GCA: variants seen among roughly 807,000 people sequenced by gnomAD.
GCA encodes the protein grancalcin.
In GCA, 30 loss-of-function variants were observed where a neutral mutation model predicts 32.6. The observed-to-expected ratio is 0.92, with a 90% CI of 0.69 to 1.25. The LOEUF (loss-of-function observed/expected upper bound fraction) is 1.25. Among genes scored for constraint, GCA ranks in the 50% most tolerant of loss-of-function variants. GCA has a pLI of 0.00. For synonymous variants in GCA, 102 were observed against 84.6 expected (o/e 1.21, Z -1.13); for missense variants, 291 against 266.8 (o/e 1.09, Z -0.63).
downstream of GCA, among the ~76,000 whole-genome samples, chr2:162,372,341 TA>T (rs1245146218): frequency 6.6e-6 from 1 of 152,058 alleles, no homozygotes; most frequent in African/African-American, 2.4e-5. Flanking sequence ...AAATCAGATT[TA>T]AAAAAATATA....
downstream of GCA, among the ~76,000 whole-genome samples, chr2:162,364,630 C>A (rs553672037): frequency 1.6e-3 from 236 of 151,564 alleles, no homozygotes; most frequent in Non-Finnish European, 2.8e-3. Flanking sequence ...TAAACAGACT[C>A]AATAGTCCTT....
chr2:162,371,916 A>G (rs758195799), downstream of GCA: 10 of 1,613,878 alleles, frequency 6.2e-6, no homozygotes, highest in South Asian at 1.1e-4. Flanking sequence ...GCAAAGAAGG[A>G]TGCCTAATTG....
upstream of GCA, among the ~76,000 whole-genome samples, chr2:162,339,770 C>T (rs995634969): frequency 6.6e-6 from 1 of 152,178 alleles, no homozygotes; most frequent in Non-Finnish European, 1.5e-5. Flanking sequence ...GAGGCCTCAC[C>T]AGGCACTGAC....
intron 3 of GCA, among the ~76,000 whole-genome samples, chr2:162,353,715 A>C (rs1358061317): frequency 6.6e-6 from 1 of 152,172 alleles, no homozygotes. Flanking sequence ...CTTTGTCTTT[A>C]GTATTCTGCG....
At chr2:162,339,798 C>T (rs1287530946), upstream of GCA, among the ~76,000 whole-genome samples, 1 of 152,166 alleles carries the variant, frequency 6.6e-6, no homozygotes, top group Non-Finnish European at 1.5e-5. Flanking sequence ...GCAGCTTGAT[C>T]TTGGACTTCT....
intron 2 of GCA, among the ~76,000 whole-genome samples, chr2:162,348,124 C>G (rs75026023): frequency 6.6e-6 from 1 of 152,074 alleles, no homozygotes; most frequent in Non-Finnish European, 1.5e-5. Context: ...TCACTTAAAT[C>G]TTTTTATTTC....
intron 3 of GCA, 55 bp downstream of exon 3, chr2:162,352,462 CT>C (rs1443172104): frequency 8.6e-6 from 9 of 1,049,022 alleles, no homozygotes; most frequent in African/African-American, 4.7e-5. Flanking sequence ...TATTTTCTTA[CT>C]TTTTTTGTCC....
chr2:162,365,487 C>A (rs987631974), downstream of GCA, among the ~76,000 whole-genome samples: 1 of 151,550 alleles, frequency 6.6e-6, no homozygotes, highest in Non-Finnish European at 1.5e-5. Flanking sequence ...TGATTTCATG[C>A]TACATTATGT....
At chr2:162,338,666 T>C (rs1684349418) in intron 1 of GCA, among the ~76,000 whole-genome samples, 1 of 152,160 alleles carries the variant, frequency 6.6e-6, no homozygotes, top group Non-Finnish European at 1.5e-5. Context: ...CTAAATGATA[T>C]TCATAAGCAC....
chr2:162,360,141 T>C, intron 7 of GCA, 76 bp from the exon 8 acceptor site: 1 of 893,436 alleles, frequency 1.1e-6, no homozygotes, highest in Non-Finnish European at 1.8e-6. Flanking sequence ...GAAAATGCTC[T>C]TATGGAATAT....
In GCA at chr2:162,356,461, A is replaced by G. The variant is rs1685273379; in HGVS notation, c.286A>G (p.Ile96Val). 1 of 1,573,538 alleles carries G rather than the reference A, an allele frequency of 6.4e-7. No homozygotes were observed. Among genetic ancestry groups the G allele is most frequent in the African/African-American group, 1.4e-5 (1 of 74,070 alleles). ...YSPFSLETCR[I>V]MIAMLDRDHT... ...AGCCTTCAGTTTGGAAACCTGCAGA[A>G]TTATGATTGCCATGTTGGATGTATC... Residue 96 changes from isoleucine (I) to valine (V), a missense_variant, in exon 4 of 8, where the codon ATT becomes GTT. Coordinates refer to ENST00000437150, the MANE Select transcript of GCA (RefSeq NM_012198.5).
At chr2:162,370,166 G>A (rs1685882720) in intron 4 of GCA, among the ~76,000 whole-genome samples, 1 of 152,132 alleles carries the variant, frequency 6.6e-6, no homozygotes, top group Admixed American at 6.6e-5. Flanking sequence ...ACTTGAAATA[G>A]CTTGCATTTG....
intron 1 of GCA, among the ~76,000 whole-genome samples, chr2:162,338,507 G>C (rs1684344359): frequency 6.6e-6 from 1 of 152,098 alleles, no homozygotes; most frequent in Non-Finnish European, 1.5e-5. Context: ...TCAGCTTTGT[G>C]GGTGTATCAA....
intron 1 of GCA, among the ~76,000 whole-genome samples, chr2:162,347,136 A>G (rs1046893313): frequency 1.2e-4 from 18 of 152,240 alleles, no homozygotes; most frequent in African/African-American, 4.1e-4. Context: ...TAAAGAATAC[A>G]ATACCCAACA....
downstream of GCA, among the ~76,000 whole-genome samples, chr2:162,364,471 A>G (rs1255829596): frequency 1.3e-5 from 2 of 151,526 alleles, no homozygotes; most frequent in Admixed American, 1.3e-4. Context: ...TAGTTTCTTC[A>G]TATTTAGATT....
At chr2:162,344,757 CCCCGCTCG>C (rs1354575061) in intron 1 of GCA, among the ~76,000 whole-genome samples, 2 of 152,098 alleles carry the variant, frequency 1.3e-5, no homozygotes, top group Non-Finnish European at 2.9e-5. Flanking sequence ...TTCTAGACTC[CCCCGCTCG>C]CCCCCAGGCG....
chr2:162,349,487 A>G (rs974524428), intron 2 of GCA, among the ~76,000 whole-genome samples: 2 of 152,120 alleles, frequency 1.3e-5, no homozygotes, highest in African/African-American at 4.8e-5. Flanking sequence ...TGTGTTAATG[A>G]AACATTTGGG....
chr2:162,370,444 A>C (rs892825793), intron 4 of GCA, among the ~76,000 whole-genome samples: 6 of 152,182 alleles, frequency 3.9e-5, no homozygotes, highest in Admixed American at 2.6e-4. Context: ...ATTTTATGAG[A>C]TACATATGTC....
In GCA at chr2:162,359,539, TC is replaced by T. The variant is rs1297630698; in HGVS notation, c.615del (p.Phe205LeufsTer19). The T allele has an allele frequency of 2.6e-6, 4 of 1,533,836 alleles. No individual in the cohort carries two copies. The South Asian group carries it at 4.7e-5, about 18-fold the overall frequency. ...RDHLQQGSAN[F>X]IYDDFLQGTM... ...CACTTGCAACAAGGGTCTGCGAATT[TC>T]ATATATGACGATGTGAGTATCCTGC... On this transcript the variant is annotated frameshift_variant, in exon 7 of 8. Transcript: ENST00000437150. LOFTEE classifies it high-confidence loss of function.
Sources: gnomAD v4.1 joint callset for allele counts (sites outside exome capture counted in the v4.1 genomes callset) on GRCh38, gnomAD v4.1.1 for gene constraint, MANE v1.5 for transcripts, NCBI Gene and HGNC (gene_info 2026-07-23, HGNC 2026-07-21) for gene names.